The following MLIP variants were observed in gnomAD, a reference collection of about 807,000 sequenced individuals.
MLIP encodes the protein muscular LMNA-interacting protein.
MLIP carries 79 observed loss-of-function variants against 84.8 expected under a neutral mutation model. The ratio of observed to expected loss-of-function variants is 0.93; its 90% CI spans 0.78 to 1.12. The LOEUF is 1.12. Among genes scored for constraint, MLIP ranks in the 50% most tolerant of loss-of-function variants. The pLI is 0.00. For synonymous variants in MLIP, 504 were observed against 463.0 expected (o/e 1.09, Z -1.14); for missense variants, 1,257 against 1,160.6 (o/e 1.08, Z -1.21).
intron 5 of MLIP, among the ~76,000 whole-genome samples, chr6:54,153,980 A>C (rs112462234): frequency 0.01 from 1,564 of 152,208 alleles, 33 homozygotes; most frequent in African/African-American, 0.035. Context: ...ATGTGTTCCC[A>C]ATTTCTTTAA....
rs867838266 is a variant in MLIP, at chr6:54,153,870, T to A, written c.2289+4743T>A. Among the ~76,000 whole-genome samples the A allele has an allele frequency of 2.0e-4, 23 of 114,154 alleles. No homozygotes were observed. The South Asian group carries it at 3.3e-3, about 16-fold the overall frequency. 74.9% of individuals were successfully genotyped at this position (114,154 alleles called of 152,430 possible). A position where few individuals can be genotyped will look rare whatever the true frequency, so the allele number is the denominator to read the frequency against. On this transcript the variant is annotated intron_variant, in intron 5 of 13. Coordinates refer to ENST00000502396, the MANE Select transcript of MLIP (RefSeq NM_001281747.2). ...CAGTCTCAAAAAAAAAAAAAAAAAA[T>A]CTTTATGTCTTAAAAATTTAACAAA...
intron 11 of MLIP, chr6:54,217,149 C>G (rs779769396): frequency 5.7e-5 from 56 of 985,272 alleles, no homozygotes; most frequent in Non-Finnish European, 6.5e-5. Flanking sequence ...ACCTATGGTA[C>G]TCTGAGTTCA....
At chr6:54,080,211 A>G (rs916000223) in intron 1 of MLIP, among the ~76,000 whole-genome samples, 1 of 151,836 alleles carries the variant, frequency 6.6e-6, no homozygotes, top group African/African-American at 2.4e-5. Context: ...CCTCCTCTGG[A>G]CTCGAAACCT....
At chr6:54,186,143 T>C (rs997534452) in intron 9 of MLIP, among the ~76,000 whole-genome samples, 1 of 152,212 alleles carries the variant, frequency 6.6e-6, no homozygotes, top group Non-Finnish European at 1.5e-5. Flanking sequence ...CATACTCCTA[T>C]ATACTTGGTG....
intron 12 of MLIP, among the ~76,000 whole-genome samples, chr6:54,239,881 A>C (rs1781620162): frequency 6.6e-6 from 1 of 152,174 alleles, no homozygotes; most frequent in Non-Finnish European, 1.5e-5. Context: ...CAGTCAATAA[A>C]TATTTTTAAA....
At chr6:54,105,279 C>G (rs555947205) in intron 1 of MLIP, among the ~76,000 whole-genome samples, 1 of 152,252 alleles carries the variant, frequency 6.6e-6, no homozygotes, top group Admixed American at 6.5e-5. Flanking sequence ...CTTTCTTTAG[C>G]CCGTATACGT....
chr6:54,021,012 C>T lies in MLIP; in HGVS notation c.63+1921C>T, dbSNP rs555464167. Among the ~76,000 whole-genome samples the T allele has an allele frequency of 3.7e-4, 56 of 152,138 alleles. 1 individual carries two copies. Among genetic ancestry groups the T allele is most frequent in the Non-Finnish European group, 2.5e-4 (17 of 68,016 alleles). ...GTTATCAAGAAAAGTTTTGCCTATG[C>T]TTAGTATTTTCTATTTAAGAGAGTT... On this transcript the variant is annotated intron_variant, in intron 1 of 12. Transcript: ENST00000274897.
chr6:54,154,587 G>A (rs537784210), intron 5 of MLIP, among the ~76,000 whole-genome samples: 1 of 152,252 alleles, frequency 6.6e-6, no homozygotes, highest in African/African-American at 2.4e-5. Flanking sequence ...CCTCAGAGGA[G>A]CTCTGATTGG....
chr6:54,183,687 G>A (rs1361951682), intron 9 of MLIP, among the ~76,000 whole-genome samples: 1 of 150,932 alleles, frequency 6.6e-6, no homozygotes, highest in African/African-American at 2.4e-5. Context: ...TAGATATTAT[G>A]AGGGGCGTAT....
At chr6:54,244,921 T>C (rs994241517) in intron 12 of MLIP, among the ~76,000 whole-genome samples, 5 of 152,168 alleles carry the variant, frequency 3.3e-5, no homozygotes, top group Non-Finnish European at 5.9e-5. Context: ...AGGAATTTGG[T>C]AATTGGAAAG....
chr6:54,233,022 C>T (rs1292307965), intron 12 of MLIP, among the ~76,000 whole-genome samples: 9 of 152,164 alleles, frequency 5.9e-5, no homozygotes, highest in Non-Finnish European at 1.2e-4. Flanking sequence ...CCCTCCCTTA[C>T]TTTTTTACTT....
intron 12 of MLIP, among the ~76,000 whole-genome samples, chr6:54,250,348 C>A (rs1174021894): frequency 2.6e-5 from 4 of 151,942 alleles, no homozygotes; most frequent in Non-Finnish European, 5.9e-5. Flanking sequence ...ACCCAGTAAC[C>A]TTATTACTGG....
chr6:54,239,348 C>T (rs932454510), intron 12 of MLIP, among the ~76,000 whole-genome samples: 1 of 140,834 alleles, frequency 7.1e-6, no homozygotes, highest in Non-Finnish European at 1.5e-5. Context: ...CAGTCTGGGC[C>T]ATTTAAACAT....
At chr6:54,099,742 A>G (rs1234465145) in intron 1 of MLIP, 1 of 152,214 alleles carries the variant, frequency 6.6e-6, no homozygotes, top group Non-Finnish European at 1.5e-5. Flanking sequence ...AAGACTTCTC[A>G]AAAAGTATTT....
At chr6:54,121,767 T>A (rs1361877771) in intron 2 of MLIP, among the ~76,000 whole-genome samples, 165 bp downstream of exon 2, 1 of 152,240 alleles carries the variant, frequency 6.6e-6, no homozygotes, top group African/African-American at 2.4e-5. Context: ...GTTATCAAAT[T>A]GCATGTTCTC....
chr6:54,117,504 G>A (rs867694654), intron 1 of MLIP, among the ~76,000 whole-genome samples: 12 of 151,324 alleles, frequency 7.9e-5, no homozygotes, highest in Non-Finnish European at 1.8e-4. Flanking sequence ...GTGAGCCACC[G>A]TGCCCGGCCC....
chr6:54,076,874 G>C (rs926746248), intron 1 of MLIP, among the ~76,000 whole-genome samples: 3 of 151,948 alleles, frequency 2.0e-5, no homozygotes, highest in Admixed American at 6.6e-5. Context: ...AACTTTAAAG[G>C]ATTTTTGGTT....
exon 1 of MLIP, chr6:54,018,978 T>C (rs1281624465): frequency 6.7e-7 from 1 of 1,484,082 alleles, no homozygotes; most frequent in South Asian, 1.1e-5. Flanking sequence ...CTAGACAGAA[T>C]CTGAACCTCT....
intron 13 of MLIP, among the ~76,000 whole-genome samples, chr6:54,265,633 G>T (rs1783643325): frequency 1.3e-5 from 2 of 152,058 alleles, no homozygotes; most frequent in South Asian, 4.1e-4. Context: ...GTGTGGGTGA[G>T]ATATAACAGT....
Sources: allele counts gnomAD v4.1 joint callset (sites outside exome capture counted in the v4.1 genomes callset), GRCh38; gene constraint gnomAD v4.1.1; transcripts MANE v1.5; gene names NCBI Gene and HGNC (gene_info 2026-07-23, HGNC 2026-07-21).